DNMT3B: variants seen among roughly 807,000 people sequenced by gnomAD.
DNMT3B encodes DNA (cytosine-5)-methyltransferase 3B.
DNMT3B carries 37 observed loss-of-function variants against 120.2 expected under a neutral mutation model. The observed-to-expected ratio is 0.31, with a 90% CI of 0.24 to 0.40. The LOEUF is 0.40. Ranked by LOEUF, DNMT3B falls within the 10% of genes least tolerant of loss-of-function variation. DNMT3B has a pLI of 1.00. For missense variants in DNMT3B, 878 were observed against 1,137.3 expected (o/e 0.77, Z 3.28); for synonymous variants, 412 against 442.8 (o/e 0.93, Z 0.87).
At chr20:32,770,238 G>A (rs1317418535) in intron 1 of DNMT3B, among the ~76,000 whole-genome samples, 1 of 151,724 alleles carries the variant, frequency 6.6e-6, no homozygotes, top group Non-Finnish European at 1.5e-5. Context: ...TCAGCCTCCT[G>A]AGTAGCTGGA....
rs546278202 is a variant in DNMT3B at position 32,786,536 on chromosome 20, G to A, written c.341G>A (p.Arg114Gln). The change falls in exon 5 of 23, where the codon CGG (arginine) becomes CAG (glutamine). Residue 114 changes from arginine (R) to glutamine (Q), a missense_variant. This residue lies in a region of DNMT3B where 287 missense variants were observed against 306.2 expected (regional missense o/e 0.94). Coordinates refer to ENST00000328111, the MANE Select transcript of DNMT3B (RefSeq NM_006892.4). ...CGAAATAACAACAGTGTCTCCAGCC[G>A]GGAGAGGCACAGGCCTTCCCCACGT... ...RTRNNNSVSS[R>Q]ERHRPSPRST... is the part of the protein sequence containing the mutation. 3 of 1,613,946 alleles carry A rather than the reference G, an allele frequency of 1.9e-6. No individual in the cohort carries two copies. Among genetic ancestry groups the A allele is most frequent in the South Asian group, 1.1e-5 (1 of 91,082 alleles).
chr20:32,787,542 C>T (rs1002451871), intron 6 of DNMT3B, 91 bp downstream of exon 6: 2 of 1,391,580 alleles, frequency 1.4e-6, no homozygotes, highest in African/African-American at 2.9e-5. Flanking sequence ...AACAGAGCGA[C>T]AACAGTTGTT....
intron 3 of DNMT3B, among the ~76,000 whole-genome samples, chr20:32,782,186 AGTT>A (rs1978706546): frequency 6.6e-6 from 1 of 152,188 alleles, no homozygotes; most frequent in Non-Finnish European, 1.5e-5. Flanking sequence ...ATAAGTGTGT[AGTT>A]AAGATGGGAA....
intron 2 of DNMT3B, 30 bp downstream of exon 2, chr20:32,780,495 T>A (rs759757544): frequency 1.7e-5 from 28 of 1,607,706 alleles, no homozygotes; most frequent in Non-Finnish European, 2.4e-5. Flanking sequence ...TGGGGTGGTG[T>A]CAGGCGCTGA....
intron 1 of DNMT3B, among the ~76,000 whole-genome samples, chr20:32,764,975 G>A (rs1231931543): frequency 2.0e-5 from 3 of 152,174 alleles, no homozygotes; most frequent in African/African-American, 7.2e-5. Context: ...TGCTGCCAGT[G>A]GGGGCTTGGG....
chr20:32,778,018 C>T (rs1371673036), intron 1 of DNMT3B, among the ~76,000 whole-genome samples: 1 of 152,188 alleles, frequency 6.6e-6, no homozygotes, highest in Non-Finnish European at 1.5e-5. Context: ...CTAGGCATGA[C>T]TTGTGTGTGT....
intron 7 of DNMT3B, among the ~76,000 whole-genome samples, chr20:32,790,532 C>CG (rs368870264): frequency 8.2e-6 from 1 of 122,520 alleles, no homozygotes; most frequent in Admixed American, 9.2e-5. Flanking sequence ...GGAGCGGTTT[C>CG]CCCCCACCAG....
intron 20 of DNMT3B, among the ~76,000 whole-genome samples, chr20:32,803,707 G>T (rs1981645132): frequency 6.6e-6 from 1 of 152,176 alleles, no homozygotes; most frequent in African/African-American, 2.4e-5. Flanking sequence ...ATGGACCCAT[G>T]CAGTTATTAG....
intron 17 of DNMT3B, 39 bp from the exon 18 acceptor site, chr20:32,800,796 T>G (rs1028224715): frequency 1.7e-5 from 28 of 1,607,230 alleles, no homozygotes; most frequent in Non-Finnish European, 2.1e-5. Context: ...TCTTTCCCTC[T>G]GTCCACACCC....
At position 32,793,561 on chromosome 20, in the gene DNMT3B, T is replaced by C. The variant is rs1448043793; in HGVS notation, c.1092T>C (p.Arg364=). The change falls in exon 10 of 23, where the codon CGT becomes CGC. Residue 364 remains arginine (R), a synonymous_variant. Coordinates refer to ENST00000328111, the MANE Select transcript of DNMT3B (RefSeq NM_006892.4). Reference sequence around the variant, plus strand: ...TGGTTAATAAGTCGAAGGTGCGTCGTGCAGGCAGTAGGAAATTAGAATCAA... The same window carrying C: ...TGGTTAATAAGTCGAAGGTGCGTCGCGCAGGCAGTAGGAAATTAGAATCAA... ...QPVVNKSKVR[R]AGSRKLESRK... The C allele has an allele frequency of 6.2e-7, 1 of 1,614,258 alleles. No individual in the cohort carries two copies. The highest frequency in any genetic ancestry group is 1.1e-5 in the South Asian group (1 of 91,088).
chr20:32,787,534 C>T lies in DNMT3B; in HGVS notation c.654+83C>T, dbSNP rs1979473416. 3 of 1,433,808 alleles carry T rather than the reference C, an allele frequency of 2.1e-6. No homozygotes were observed. In the South Asian group the frequency reaches 3.6e-5, roughly 17 times the overall value. The allele number at this position is 1,433,808 out of a possible 1,614,324, so 88.8% of individuals were successfully genotyped here. A position where few individuals can be genotyped will look rare whatever the true frequency, so the allele number is the denominator to read the frequency against. ...ACCAGTTACCTGCTACTGTTGGTAACAGAGCGACAACAGTTGTTAGAAGTT... is the reference window on the plus strand; with the variant it reads ...ACCAGTTACCTGCTACTGTTGGTAATAGAGCGACAACAGTTGTTAGAAGTT... On this transcript the variant is annotated intron_variant, in intron 6 of 22. Coordinates refer to ENST00000328111, the MANE Select transcript of DNMT3B (RefSeq NM_006892.4).
intron 3 of DNMT3B, among the ~76,000 whole-genome samples, 170 bp downstream of exon 3, chr20:32,781,584 T>C (rs1978635922): frequency 6.6e-6 from 1 of 152,268 alleles, no homozygotes; most frequent in Non-Finnish European, 1.5e-5. Context: ...GGACGATCAG[T>C]TACATTGCTA....
At chr20:32,802,333 C>T in intron 19 of DNMT3B, 52 bp from the exon 20 acceptor site, 1 of 1,587,352 alleles carries the variant, frequency 6.3e-7, no homozygotes, top group South Asian at 1.1e-5. Flanking sequence ...GTCTGGTTGA[C>T]ACTGAAACTC....
chr20:32,801,964 G>T (rs1045617035), intron 19 of DNMT3B, among the ~76,000 whole-genome samples: 17 of 152,150 alleles, frequency 1.1e-4, no homozygotes, highest in African/African-American at 4.1e-4. Context: ...ATCATCTGCT[G>T]TTAAGGACTC....
chr20:32,792,088 C>T (rs1443757969), intron 8 of DNMT3B, among the ~76,000 whole-genome samples: 1 of 152,150 alleles, frequency 6.6e-6, no homozygotes, highest in Non-Finnish European at 1.5e-5. Flanking sequence ...CCCTATGAAC[C>T]ATTATACCCT....
rs531175917 is a variant in DNMT3B at position 32,794,856 on chromosome 20, G to C, written c.1127-553G>C. 4.9e-4 allele frequency among the ~76,000 whole-genome samples: 74 copies of C among 152,234 alleles called. 1 individual carries two copies. Among genetic ancestry groups the C allele is most frequent in the African/African-American group, 1.6e-3 (66 of 41,520 alleles). ...TGCTAAATTTGCAATGAAAATACTT[G>C]ATCTGTATTAACTATATACAGATTC... On this transcript the variant is annotated intron_variant, in intron 10 of 22. Coordinates refer to ENST00000328111, the MANE Select transcript of DNMT3B (RefSeq NM_006892.4).
intron 8 of DNMT3B, among the ~76,000 whole-genome samples, chr20:32,791,909 T>C (rs535238090): frequency 6.6e-6 from 1 of 152,330 alleles, no homozygotes; most frequent in East Asian, 1.9e-4. Context: ...CTGCCACTTA[T>C]TGGGACCACT....
At chr20:32,792,117 A>AT (rs892148992) in intron 8 of DNMT3B, among the ~76,000 whole-genome samples, 4 of 151,740 alleles carry the variant, frequency 2.6e-5, no homozygotes, top group African/African-American at 9.7e-5. Flanking sequence ...CTTCACCTTG[A>AT]TTTTTTCCCC....
At chr20:32,779,978 G>A (rs535911872) in intron 1 of DNMT3B, 21 of 1,165,256 alleles carry the variant, frequency 1.8e-5, no homozygotes, top group Middle Eastern at 2.6e-4. Context: ...CAGACGGGCC[G>A]GGACAGGCAG....
Sources: allele counts gnomAD v4.1 joint callset (sites outside exome capture counted in the v4.1 genomes callset), GRCh38; gene constraint gnomAD v4.1.1; regional missense constraint gnomAD v4.1.1; transcripts MANE v1.5; gene names NCBI Gene and HGNC (gene_info 2026-07-23, HGNC 2026-07-21).